CHODL: variants seen among roughly 807,000 people sequenced by gnomAD.
CHODL encodes transmembrane protein MT75.
A neutral mutation model predicts 34.5 loss-of-function variants in CHODL; 29 were observed. The ratio of observed to expected loss-of-function variants is 0.84; its 90% CI spans 0.63 to 1.15. The LOEUF is 1.15. Among genes scored for constraint, CHODL ranks in the 50% most tolerant of loss-of-function variants. CHODL has a pLI of 0.00. For missense variants in CHODL, 332 were observed against 332.5 expected (o/e 1.00, Z 0.01); for synonymous variants, 125 against 116.1 (o/e 1.08, Z -0.49).
chr21:18,095,365 C>A (rs1202099227), intron 2 of CHODL, among the ~76,000 whole-genome samples: 1 of 151,880 alleles, frequency 6.6e-6, no homozygotes, highest in Non-Finnish European at 1.5e-5. Flanking sequence ...TCATTAATGG[C>A]TACATTGAGC....
At chr21:17,921,411 C>A (rs1376512447) in intron 1 of CHODL, among the ~76,000 whole-genome samples, 1 of 152,198 alleles carries the variant, frequency 6.6e-6, no homozygotes, top group Non-Finnish European at 1.5e-5. Context: ...GTGTGTTGGG[C>A]AGAAGTGATG....
chr21:18,141,439 G>GTGTCC (rs1385076991), intron 2 of CHODL, among the ~76,000 whole-genome samples: 1 of 152,060 alleles, frequency 6.6e-6, no homozygotes, highest in African/African-American at 2.4e-5. Flanking sequence ...CAGCAGTAGA[G>GTGTCC]AAAAGACATT....
At chr21:18,036,014 T>C (rs899924860) in intron 2 of CHODL, among the ~76,000 whole-genome samples, 1 of 152,054 alleles carries the variant, frequency 6.6e-6, no homozygotes, top group Non-Finnish European at 1.5e-5. Flanking sequence ...ATACATTTTA[T>C]CTTGATTATT....
At position 18,259,797 on chromosome 21, in the gene CHODL, A is replaced by G. The variant is rs536047348; in HGVS notation, c.548-403A>G. Among the ~76,000 whole-genome samples the G allele has an allele frequency of 3.3e-5, 5 of 152,330 alleles. No individual in the cohort carries two copies. In the East Asian group the frequency reaches 7.7e-4, roughly 24 times the overall value. On this transcript the variant is annotated intron_variant, in intron 3 of 5. Coordinates refer to ENST00000299295, the MANE Select transcript of CHODL (RefSeq NM_024944.3). ...GGGGAAACCCAAATAATACACTGAT[A>G]TTAGTAAAGAAATTATCTTGCTTGT...
intron 1 of CHODL, among the ~76,000 whole-genome samples, chr21:18,007,329 T>C (rs2146407683): frequency 6.6e-6 from 1 of 152,300 alleles, no homozygotes; most frequent in East Asian, 1.9e-4. Context: ...TTATGAAAAA[T>C]TGGCACATTT....
intron 1 of CHODL, among the ~76,000 whole-genome samples, chr21:18,017,668 G>A (rs762350774): frequency 1.1e-4 from 16 of 152,204 alleles, no homozygotes; most frequent in Non-Finnish European, 1.9e-4. Context: ...CCCTCACAGA[G>A]AATCTTTACT....
At chr21:18,225,634 A>G (rs774447862) in intron 2 of CHODL, among the ~76,000 whole-genome samples, 1 of 152,088 alleles carries the variant, frequency 6.6e-6, no homozygotes, top group Non-Finnish European at 1.5e-5. Context: ...TATATATGGT[A>G]CTCTATTATT....
intron 2 of CHODL, among the ~76,000 whole-genome samples, chr21:18,067,266 C>T (rs1370148677): frequency 1.3e-5 from 2 of 152,144 alleles, no homozygotes; most frequent in Non-Finnish European, 2.9e-5. Context: ...TCCAAAAACC[C>T]AATGCCTCAG....
intron 1 of CHODL, among the ~76,000 whole-genome samples, chr21:17,925,783 T>A (rs919741268): frequency 6.6e-6 from 1 of 152,226 alleles, no homozygotes; most frequent in African/African-American, 2.4e-5. Context: ...CTTTCTGAGT[T>A]CCTTTGAGTA....
intron 1 of CHODL, among the ~76,000 whole-genome samples, chr21:17,926,086 A>G (rs2063220030): frequency 6.6e-6 from 1 of 152,234 alleles, no homozygotes; most frequent in Non-Finnish European, 1.5e-5. Flanking sequence ...TTTCCTCAAG[A>G]GGGCAGCAAA....
intron 1 of CHODL, among the ~76,000 whole-genome samples, chr21:17,986,667 T>A (rs1215548144): frequency 1.3e-5 from 2 of 152,208 alleles, no homozygotes; most frequent in Non-Finnish European, 2.9e-5. Context: ...TATAATCGTT[T>A]GTGTATATAC....
chr21:18,153,262 A>G (rs2072993499), intron 2 of CHODL, among the ~76,000 whole-genome samples: 1 of 152,116 alleles, frequency 6.6e-6, no homozygotes, highest in African/African-American at 2.4e-5. Flanking sequence ...GGATAAGTCC[A>G]CCTCAGAGCT....
intron 2 of CHODL, among the ~76,000 whole-genome samples, chr21:18,239,734 C>T (rs2074063862): frequency 6.6e-6 from 1 of 151,914 alleles, no homozygotes; most frequent in African/African-American, 2.4e-5. Context: ...ATCTTTTACT[C>T]AACTTGGCCC....
chr21:17,929,910 G>A (rs1261836441), intron 1 of CHODL, among the ~76,000 whole-genome samples: 2 of 152,142 alleles, frequency 1.3e-5, no homozygotes, highest in African/African-American at 4.8e-5. Flanking sequence ...AGAGGAGCAA[G>A]CACATTGAGC....
chr21:18,025,401 T>A (rs1448283926), intron 1 of CHODL, among the ~76,000 whole-genome samples: 3 of 152,028 alleles, frequency 2.0e-5, no homozygotes, highest in Admixed American at 2.0e-4. Flanking sequence ...TGTGGTAGAG[T>A]CTTTATGAAA....
chr21:18,147,041 G>A (rs2072899121), intron 2 of CHODL, among the ~76,000 whole-genome samples: 1 of 152,138 alleles, frequency 6.6e-6, no homozygotes, highest in South Asian at 2.1e-4. Flanking sequence ...GCTTGGCAAA[G>A]AGAAAGGAGC....
intron 2 of CHODL, among the ~76,000 whole-genome samples, chr21:18,176,148 A>G (rs2073308383): frequency 6.6e-6 from 1 of 152,228 alleles, no homozygotes. Flanking sequence ...CAAGTTTATA[A>G]AAAGAAGATC....
chr21:18,082,248 C>T (rs1485973423), intron 2 of CHODL, among the ~76,000 whole-genome samples: 1 of 152,174 alleles, frequency 6.6e-6, no homozygotes, highest in Non-Finnish European at 1.5e-5. Context: ...GCTTACTTCC[C>T]CTTCACCTTC....
intron 1 of CHODL, among the ~76,000 whole-genome samples, chr21:17,979,938 G>A (rs1214476492): frequency 1.3e-5 from 2 of 152,096 alleles, no homozygotes; most frequent in South Asian, 2.1e-4. Context: ...TGTCAGGGGT[G>A]CCTCAGTTTC....
Sources: gnomAD v4.1 joint callset for allele counts (sites outside exome capture counted in the v4.1 genomes callset) on GRCh38, gnomAD v4.1.1 for gene constraint, MANE v1.5 for transcripts, NCBI Gene and HGNC (gene_info 2026-07-23, HGNC 2026-07-21) for gene names.